Variants in STAG1 observed in about 807,000 individuals in gnomAD.
STAG1 encodes cohesin subunit SA-1.
Under a neutral mutation model 170.9 loss-of-function variants are expected in STAG1, and 26 were observed. That is an observed-to-expected ratio of 0.15 (90% CI 0.11 to 0.21). The LOEUF is 0.21. Ranked by LOEUF, STAG1 falls within the 10% of genes least tolerant of loss-of-function variation. STAG1 has a pLI of 1.00. For synonymous variants in STAG1, 514 were observed against 497.7 expected (o/e 1.03, Z -0.44); for missense variants, 964 against 1,509.5 (o/e 0.64, Z 5.99).
intron 1 of STAG1, among the ~76,000 whole-genome samples, chr3:136,738,987 C>A (rs1300744660): frequency 6.6e-6 from 1 of 151,912 alleles, no homozygotes; most frequent in African/African-American, 2.4e-5. Context: ...ATGAGAAAAT[C>A]GAGGACTCCA....
chr3:136,497,889 A>G (rs1933210118), intron 9 of STAG1, among the ~76,000 whole-genome samples: 1 of 148,384 alleles, frequency 6.7e-6, no homozygotes, highest in Non-Finnish European at 1.5e-5. Context: ...GATAAGGGGC[A>G]TCTATGAAAA....
intron 15 of STAG1, among the ~76,000 whole-genome samples, chr3:136,439,524 T>G (rs1156562904): frequency 6.6e-6 from 1 of 151,310 alleles, no homozygotes; most frequent in African/African-American, 2.4e-5. Flanking sequence ...TTCCCAAAAT[T>G]TAGTCCTACA....
In STAG1 at chr3:136,624,113, T is replaced by C. The variant is rs1016643944; in HGVS notation, c.30-865A>G. On this transcript the variant is annotated intron_variant, in intron 2 of 33. Transcript: ENST00000383202. ...CCAACTCTTATATTGGAATCTTTTT[T>C]TTTTTGAGACAGTCTCACTCTGTCG... 3.7e-4 allele frequency among the ~76,000 whole-genome samples: 56 copies of C among 152,184 alleles called. 3 individuals carry two copies. Among genetic ancestry groups the C allele is most frequent in the Middle Eastern group, 3.4e-3 (1 of 292 alleles).
intron 1 of STAG1, among the ~76,000 whole-genome samples, chr3:136,671,760 T>C (rs1460615715): frequency 6.6e-6 from 1 of 152,020 alleles, no homozygotes; most frequent in Non-Finnish European, 1.5e-5. Flanking sequence ...TGTGCACCTG[T>C]AGTTCGTGTT....
At chr3:136,408,319 A>G (rs1324318760) in intron 21 of STAG1, among the ~76,000 whole-genome samples, 5 of 152,206 alleles carry the variant, frequency 3.3e-5, no homozygotes, top group Non-Finnish European at 1.5e-5. Context: ...GAGAGAAGTC[A>G]GGTATTTTTT....
chr3:136,751,902 A>G (rs1436794562), intron 1 of STAG1, among the ~76,000 whole-genome samples: 2 of 150,498 alleles, frequency 1.3e-5, no homozygotes, highest in African/African-American at 4.9e-5. Context: ...GCGGGGGCAA[A>G]ATTTTTGGTG....
rs141424874 is a variant in STAG1, at chr3:136,751,360, C to T, written c.-84+835G>A. On this transcript the variant is annotated intron_variant, in intron 1 of 33. Coordinates refer to ENST00000383202, the MANE Select transcript of STAG1 (RefSeq NM_005862.3). ...AGTACCCATACCATACAAGAAGAAC[C>T]CAGTTCGGACCCTGCAAACGGGGCT... Among the ~76,000 whole-genome samples, 181 of 152,208 alleles carry T rather than the reference C, an allele frequency of 1.2e-3. 1 individual carries two copies. Among genetic ancestry groups the T allele is most frequent in the African/African-American group, 4.0e-3 (166 of 41,530 alleles).
intron 4 of STAG1, among the ~76,000 whole-genome samples, chr3:136,600,866 GTT>G (rs1332212687): frequency 6.8e-6 from 1 of 146,384 alleles, no homozygotes. Flanking sequence ...TTGTTTGTTT[GTT>G]TGTTTTGTTT....
At chr3:136,426,101 C>T (rs2088113512) in intron 16 of STAG1, among the ~76,000 whole-genome samples, 1 of 149,564 alleles carries the variant, frequency 6.7e-6, no homozygotes, top group Admixed American at 6.7e-5. Flanking sequence ...TGGAGATTTG[C>T]AACAATTAAA....
intron 1 of STAG1, among the ~76,000 whole-genome samples, chr3:136,733,745 G>C (rs1213336517): frequency 6.6e-6 from 1 of 152,112 alleles, no homozygotes; most frequent in Non-Finnish European, 1.5e-5. Context: ...AGTTAATTTA[G>C]GCTATAAGAA....
At chr3:136,518,855 G>C (rs1050366212) in intron 7 of STAG1, among the ~76,000 whole-genome samples, 1 of 152,078 alleles carries the variant, frequency 6.6e-6, no homozygotes, top group Non-Finnish European at 1.5e-5. Flanking sequence ...TCATCAAGTA[G>C]TTTTAAAGGT....
chr3:136,673,142 A>T (rs1942029112), intron 1 of STAG1, among the ~76,000 whole-genome samples: 1 of 152,258 alleles, frequency 6.6e-6, no homozygotes, highest in Non-Finnish European at 1.5e-5. Flanking sequence ...ACTTCAAAGA[A>T]ATAGGGTAAA....
intron 2 of STAG1, among the ~76,000 whole-genome samples, chr3:136,627,847 T>C (rs1001531753): frequency 6.6e-6 from 1 of 152,196 alleles, no homozygotes; most frequent in African/African-American, 2.4e-5. Flanking sequence ...TCTACCTCTT[T>C]CTATCTCCAG....
intron 1 of STAG1, among the ~76,000 whole-genome samples, chr3:136,650,444 A>G (rs1272273527): frequency 6.6e-6 from 1 of 152,224 alleles, no homozygotes; most frequent in Non-Finnish European, 1.5e-5. Context: ...TTGCATCTCC[A>G]TACATACTAC....
chr3:136,496,631 G>A (rs1052473482), intron 9 of STAG1, among the ~76,000 whole-genome samples: 1 of 151,992 alleles, frequency 6.6e-6, no homozygotes, highest in African/African-American at 2.4e-5. Context: ...TCCAAATTTA[G>A]GACACATAGC....
intron 9 of STAG1, among the ~76,000 whole-genome samples, chr3:136,498,843 C>A (rs1933308274): frequency 6.6e-6 from 1 of 152,106 alleles, no homozygotes; most frequent in Non-Finnish European, 1.5e-5. Flanking sequence ...AACATAAAAG[C>A]CCTGGACCTA....
intron 4 of STAG1, among the ~76,000 whole-genome samples, chr3:136,586,140 A>G (rs1017950006): frequency 3.3e-5 from 5 of 152,206 alleles, no homozygotes; most frequent in Non-Finnish European, 5.9e-5. Flanking sequence ...CATATATTTA[A>G]ACATCTATAA....
chr3:136,644,604 A>G (rs1023610143), intron 1 of STAG1, among the ~76,000 whole-genome samples: 2 of 152,248 alleles, frequency 1.3e-5, no homozygotes, highest in Non-Finnish European at 2.9e-5. Flanking sequence ...ATAGCATAAT[A>G]CAATGATCAG....
At chr3:136,656,068 G>C (rs1941360796) in intron 1 of STAG1, among the ~76,000 whole-genome samples, 1 of 151,822 alleles carries the variant, frequency 6.6e-6, no homozygotes, top group Admixed American at 6.6e-5. Context: ...ACAAACAATG[G>C]AGTATTATTC....
Sources: allele counts gnomAD v4.1 joint callset (sites outside exome capture counted in the v4.1 genomes callset), GRCh38; gene constraint gnomAD v4.1.1; transcripts MANE v1.5; gene names NCBI Gene and HGNC (gene_info 2026-07-23, HGNC 2026-07-21).